The following IL36B variants were observed in gnomAD, a reference collection of about 807,000 sequenced individuals.
The protein encoded by IL36B is interleukin 36 beta.
In IL36B, 23 loss-of-function variants were observed where a neutral mutation model predicts 19.3. The observed-to-expected ratio is 1.19, with a 90% confidence interval of 0.86 to 1.69. IL36B has a LOEUF of 1.69. Among genes scored for constraint, IL36B ranks in the 40% most tolerant of loss-of-function variants. The pLI is 0.00. For synonymous variants in IL36B, 59 were observed against 59.7 expected, an observed-to-expected ratio of 0.99 and a Z score of 0.05; for missense variants, 217 against 200.5, an observed-to-expected ratio of 1.08 and a Z score of -0.50.
At chr2:113,028,092 A>T (rs951627840) in intron 4 of IL36B, 1 of 1,613,984 alleles carries the variant, frequency 6.2e-7, no homozygotes, top group Non-Finnish European at 8.5e-7. Flanking sequence ...TCTTCTCCAC[A>T]TACAGGTCCA....
At position 113,022,535 on chromosome 2, in the gene IL36B, T is replaced by C. The variant is rs1684880368; in HGVS notation, c.*139A>G. ...GTAAGATTTACCAACTCTTTAAAAATACATAGTGTCCTTGTTTTACAAACT... is the reference window on the plus strand; with the variant it reads ...GTAAGATTTACCAACTCTTTAAAAACACATAGTGTCCTTGTTTTACAAACT... On this transcript the variant is annotated 3_prime_UTR_variant, in exon 6 of 6. Coordinates refer to ENST00000259213, the MANE Select transcript of IL36B (RefSeq NM_014438.5). 1.7e-6 allele frequency: 1 copy of C among 601,450 alleles called. No homozygotes were observed. Among genetic ancestry groups the C allele is most frequent in the South Asian group, 2.0e-5 (1 of 49,160 alleles). The allele number at this position is 601,450 out of a possible 1,614,324, so 37.3% of individuals were successfully genotyped here. A position where few individuals can be genotyped will look rare whatever the true frequency, so the allele number is the denominator to read the frequency against.
At position 113,028,985 on chromosome 2, in the gene IL36B, C is replaced by G; in HGVS notation, c.215G>C (p.Cys72Ser). Reference sequence around the variant, plus strand: ...GCCCTGAATTTCTGCACAGAAGAGACAGAGATCTTTTCCCTTGATTCCCAG... The same window carrying G: ...GCCCTGAATTTCTGCACAGAAGAGAGAGAGATCTTTTCCCTTGATTCCCAG... Residue 72 changes from cysteine to serine, a missense_variant, in exon 4 of 6, where the codon TGT (cysteine) becomes TCT (serine). By Grantham distance (112) the Cys-to-Ser change is moderately radical (BLOSUM62 -1). Coordinates refer to ENST00000259213, the MANE Select transcript of IL36B (RefSeq NM_014438.5). 6.2e-7 allele frequency: 1 copy of G among 1,614,188 alleles called. No homozygotes were observed. The highest frequency in any genetic ancestry group is 1.1e-5 in the South Asian group (1 of 91,074).
intron 1 of IL36B, among the ~76,000 whole-genome samples, chr2:113,032,672 C>G (rs1332549804): frequency 1.3e-5 from 2 of 152,282 alleles, no homozygotes; most frequent in East Asian, 3.9e-4. Flanking sequence ...GCAAGAGATG[C>G]TTTTGTCCCT....
At chr2:113,028,066 A>C (rs1356327019) in intron 4 of IL36B, 1 of 1,614,010 alleles carries the variant, frequency 6.2e-7, no homozygotes, top group Non-Finnish European at 8.5e-7. Context: ...GAAAAAGAGA[A>C]AGGGCTTCTG....
At chr2:113,024,575 A>G (rs186135580) in intron 5 of IL36B, among the ~76,000 whole-genome samples, 2 of 152,264 alleles carry the variant, frequency 1.3e-5, no homozygotes, top group Non-Finnish European at 2.9e-5. Flanking sequence ...CAGGAGAGCA[A>G]ATAAAATATT....
At chr2:113,047,128 T>G (rs1685363622) in intron 1 of IL36B, among the ~76,000 whole-genome samples, 1 of 152,350 alleles carries the variant, frequency 6.6e-6, no homozygotes. Context: ...TTGGAAGCAC[T>G]TTTATTTAGC....
chr2:113,023,286 G>A (rs1684894761), intron 5 of IL36B, among the ~76,000 whole-genome samples: 1 of 152,166 alleles, frequency 6.6e-6, no homozygotes, highest in African/African-American at 2.4e-5. Flanking sequence ...GAATAATTCA[G>A]ATTATTGATC....
intron 1 of IL36B, among the ~76,000 whole-genome samples, chr2:113,046,989 A>G (rs940613138): frequency 2.0e-5 from 3 of 152,206 alleles, no homozygotes; most frequent in South Asian, 2.1e-4. Context: ...ATTATTTTGC[A>G]TGGGAGATTA....
intron 1 of IL36B, among the ~76,000 whole-genome samples, chr2:113,043,895 A>G (rs888384993): frequency 6.6e-6 from 1 of 152,136 alleles, no homozygotes; most frequent in African/African-American, 2.4e-5. Context: ...TCAGTTGTTC[A>G]TATATGTGTA....
chr2:113,028,658 A>T (rs1022129267), intron 4 of IL36B, among the ~76,000 whole-genome samples: 18 of 152,182 alleles, frequency 1.2e-4, no homozygotes, highest in African/African-American at 4.3e-4. Flanking sequence ...ATGCAGTTAA[A>T]CAGGACCGAG....
chr2:113,022,860 C>T (rs763062737), intron 5 of IL36B: 1 of 879,028 alleles, frequency 1.1e-6, no homozygotes, highest in East Asian at 2.5e-5. Context: ...GCTAAAAGGG[C>T]AGATTCTACA....
intron 1 of IL36B, among the ~76,000 whole-genome samples, chr2:113,049,338 A>G (rs1573379402): frequency 6.6e-6 from 1 of 152,238 alleles, no homozygotes; most frequent in East Asian, 1.9e-4. Context: ...AAATGACACT[A>G]TTAATAGTAT....
chr2:113,026,197 A>G lies in IL36B; in HGVS notation c.297T>C (p.Thr99=). The G allele has an allele frequency of 6.2e-7, 1 of 1,613,924 alleles. No individual in the cohort carries two copies. Among genetic ancestry groups the G allele is most frequent in the Non-Finnish European group, 8.5e-7 (1 of 1,179,826 alleles). Reference sequence around the variant, plus strand: ...TGTGAATTCCAACTAGTTTCCAGCAAGTGTCCTTCCCTATGTTATCTTGGG... The same window carrying G: ...TGTGAATTCCAACTAGTTTCCAGCAGGTGTCCTTCCCTATGTTATCTTGGG... Residue 99 remains threonine, a synonymous_variant, in exon 5 of 6, where the codon ACT becomes ACC. Transcript: ENST00000259213.
At chr2:113,022,991 G>A (rs1021966667) in intron 5 of IL36B, among the ~76,000 whole-genome samples, 3 of 152,146 alleles carry the variant, frequency 2.0e-5, no homozygotes, top group African/African-American at 4.8e-5. Context: ...GGTGGGCATG[G>A]TTTTTGCCCC....
intron 3 of IL36B, among the ~76,000 whole-genome samples, chr2:113,030,644 C>T (rs963653765): frequency 2.0e-5 from 3 of 152,078 alleles, no homozygotes; most frequent in Admixed American, 6.5e-5. Flanking sequence ...GAATATTTCC[C>T]CATTATTAGA....
chr2:113,040,756 G>A (rs989559940), intron 1 of IL36B, among the ~76,000 whole-genome samples: 2 of 152,110 alleles, frequency 1.3e-5, no homozygotes, highest in African/African-American at 4.8e-5. Flanking sequence ...ATAATTGAAG[G>A]TATATACCAT....
chr2:113,039,702 A>T (rs1426367217), intron 1 of IL36B, among the ~76,000 whole-genome samples: 1 of 152,232 alleles, frequency 6.6e-6, no homozygotes, highest in African/African-American at 2.4e-5. Flanking sequence ...GGTAGGAATA[A>T]ATCCACATAT....
intron 1 of IL36B, among the ~76,000 whole-genome samples, chr2:113,042,791 T>C (rs1685283076): frequency 6.6e-6 from 1 of 152,246 alleles, no homozygotes; most frequent in Admixed American, 6.5e-5. Flanking sequence ...CTTTCTTTTC[T>C]CTTAAATTAA....
chr2:113,049,729 C>T (rs1423376816), intron 1 of IL36B, among the ~76,000 whole-genome samples: 3 of 152,070 alleles, frequency 2.0e-5, no homozygotes, highest in East Asian at 1.9e-4. Flanking sequence ...CCGAGGTGGG[C>T]GGACCACCTG....
Sources: gnomAD v4.1 joint callset for allele counts (sites outside exome capture counted in the v4.1 genomes callset) on GRCh38, gnomAD v4.1.1 for gene constraint, MANE v1.5 for transcripts, NCBI Gene and HGNC (gene_info 2026-07-23, HGNC 2026-07-21) for gene names.